TRAF2: variants seen among roughly 807,000 people sequenced by gnomAD.
The protein encoded by TRAF2 is TNF receptor-associated factor 2.
A neutral mutation model predicts 55.6 loss-of-function variants in TRAF2; 6 were observed. The ratio of observed to expected loss-of-function variants is 0.11; its 90% confidence interval spans 0.06 to 0.21. The LOEUF is 0.21. Among genes scored for constraint, TRAF2 ranks in the 10% least tolerant of loss-of-function variants. The pLI, the probability that TRAF2 is intolerant of heterozygous loss-of-function variation, is 1.00. For missense variants in TRAF2, 561 were observed against 684.5 expected (o/e 0.82, Z 2.01); for synonymous variants, 329 against 276.3 (o/e 1.19, Z -1.89).
At chr9:136,896,387 G>A (rs1194091363) in intron 1 of TRAF2, among the ~76,000 whole-genome samples, 4 of 152,224 alleles carry the variant, frequency 2.6e-5, no homozygotes, top group Admixed American at 6.5e-5. Context: ...CCCTGGTTCC[G>A]GGTGTGAGGC....
At chr9:136,894,279 T>A (rs1011435747) in intron 1 of TRAF2, among the ~76,000 whole-genome samples, 1 of 151,550 alleles carries the variant, frequency 6.6e-6, no homozygotes, top group African/African-American at 2.4e-5. Context: ...TCTCTTGACC[T>A]CGTGATCTGC....
rs746990202 is a variant in TRAF2 at position 136,920,506 on chromosome 9, G to T, written c.951G>T (p.Leu317=). The T allele has an allele frequency of 3.1e-6, 5 of 1,609,492 alleles. No homozygotes were observed. The highest frequency in any genetic ancestry group is 4.2e-6 in the Non-Finnish European group (5 of 1,177,140). ...TGGACCAAGACAAGATTGAAGCCCT[G>T]AGTAGCAAGGTTTGTGCCTGCCGGG... ...HRLDQDKIEA[L]SSKVQQLERS... The change falls in exon 8 of 11, where the codon CTG becomes CTT. Residue 317 remains leucine (L), a synonymous_variant. Transcript: ENST00000247668.
At chr9:136,920,993 C>T in intron 8 of TRAF2, 45 bp from the exon 9 acceptor site, 1 of 1,604,458 alleles carries the variant, frequency 6.2e-7, no homozygotes, top group East Asian at 2.2e-5. Context: ...GGGCTCGTGC[C>T]CGCACCCCTC....
intron 2 of TRAF2, 150 bp downstream of exon 2, chr9:136,899,078 C>G: frequency 1.3e-6 from 1 of 789,324 alleles, no homozygotes; most frequent in Non-Finnish European, 1.9e-6. Flanking sequence ...AGGTTTACCA[C>G]AAAGAATGTA....
chr9:136,923,705 A>AG (rs762967879), intron 9 of TRAF2, 147 bp from the exon 10 acceptor site: 156 of 429,738 alleles, frequency 3.6e-4, no homozygotes, highest in Middle Eastern at 2.2e-3. Flanking sequence ...GCATAGTTTG[A>AG]GGGAAAAAAA....
At chr9:136,900,139 A>C (rs1849781133) in intron 3 of TRAF2, among the ~76,000 whole-genome samples, 1 of 150,434 alleles carries the variant, frequency 6.6e-6, no homozygotes, top group East Asian at 1.9e-4. Context: ...ACTGCACTCC[A>C]ACCTGGGTTA....
At chr9:136,921,561 A>G (rs1431611079) in intron 9 of TRAF2, among the ~76,000 whole-genome samples, 2 of 142,744 alleles carry the variant, frequency 1.4e-5, no homozygotes, top group Admixed American at 1.4e-4. Context: ...CACAGCTCCC[A>G]GGAAGACAGG....
intron 1 of TRAF2, among the ~76,000 whole-genome samples, chr9:136,897,259 G>T (rs1849700666): frequency 6.6e-6 from 1 of 152,064 alleles, no homozygotes; most frequent in South Asian, 2.1e-4. Context: ...GGAAGAGTGG[G>T]CATGGCACTG....
chr9:136,887,846 A>T (rs1332748833), intron 1 of TRAF2, among the ~76,000 whole-genome samples: 1 of 152,116 alleles, frequency 6.6e-6, no homozygotes, highest in South Asian at 2.1e-4. Context: ...CCTGAAAAAG[A>T]TGGGGTTACA....
intron 4 of TRAF2, among the ~76,000 whole-genome samples, chr9:136,907,707 C>T (rs17243991): frequency 2.6e-5 from 4 of 152,116 alleles, no homozygotes; most frequent in Admixed American, 6.5e-5. Context: ...CCTGCTTTCT[C>T]GGTTAGGAGC....
chr9:136,902,297 G>A (rs966943755), intron 4 of TRAF2: 15 of 152,578 alleles, frequency 9.8e-5, no homozygotes, highest in Admixed American at 2.6e-4. Context: ...CCAGGGTCAG[G>A]GTCTCCCTGG....
At chr9:136,885,279 TGGA>T (rs1284308641), upstream of TRAF2, among the ~76,000 whole-genome samples, 8 of 152,206 alleles carry the variant, frequency 5.3e-5, no homozygotes, top group Non-Finnish European at 1.2e-4. Context: ...TCTGAATGCT[TGGA>T]GGAGACTTAC....
chr9:136,911,844 C>CTATTTTTT, intron 6 of TRAF2, among the ~76,000 whole-genome samples: 1 of 50,370 alleles, frequency 2.0e-5, no homozygotes, highest in South Asian at 8.9e-4. Context: ...TTTCTCTTAT[C>CTATTTTTT]TCTTTTTTTT....
intron 1 of TRAF2, among the ~76,000 whole-genome samples, chr9:136,890,781 T>G (rs1849565866): frequency 6.6e-6 from 1 of 152,248 alleles, no homozygotes; most frequent in Admixed American, 6.5e-5. Context: ...CCGGGCTGCC[T>G]GCCGTGTCCT....
Position 136,907,220 on chromosome 9 carries a change from C to T in TRAF2, c.367-850C>T, listed in dbSNP as rs948339018. Among the ~76,000 whole-genome samples the T allele has an allele frequency of 7.2e-5, 11 of 152,372 alleles. No individual in the cohort carries two copies. The South Asian group carries it at 1.0e-3, about 14-fold the overall frequency. ...TCTGCCTCGCCTGACGCTTAGCCTG[C>T]GGCACCGGCTCCCGCTTCCCTAGTC... On this transcript the variant is annotated intron_variant, in intron 4 of 10. Transcript: ENST00000247668.
chr9:136,910,885 G>C (rs893278481), intron 6 of TRAF2, among the ~76,000 whole-genome samples: 1 of 152,230 alleles, frequency 6.6e-6, no homozygotes, highest in African/African-American at 2.4e-5. Context: ...GAGCTTGGCC[G>C]AGTGCTGTCT....
rs1462049902 is a variant in TRAF2, at chr9:136,900,492, C to T, written c.338C>T (p.Thr113Ile). 2.5e-6 allele frequency: 4 copies of T among 1,613,950 alleles called. No individual in the cohort carries two copies. The highest frequency in any genetic ancestry group is 2.2e-5 in the East Asian group (1 of 44,886). ...GCCGTCTGTCCCAGTGATGGATGCA[C>T]CTGGAAGGGGACCCTGAAAGAATAC... ...LPAVCPSDGCTWKGTLKEYES... is the reference protein window; with the variant it reads ...LPAVCPSDGCIWKGTLKEYES... Residue 113 changes from threonine (T) to isoleucine (I), a missense_variant, in exon 4 of 11, where the codon ACC becomes ATC. Transcript: ENST00000247668.
intron 8 of TRAF2, 22 bp from the exon 9 acceptor site, chr9:136,921,016 A>G (rs780931530): frequency 2.5e-6 from 4 of 1,612,684 alleles, no homozygotes; most frequent in Non-Finnish European, 3.4e-6. Context: ...GTAAGAGGGA[A>G]GGTGGTCTTG....
At chr9:136,895,922 T>C (rs1237806554) in intron 1 of TRAF2, among the ~76,000 whole-genome samples, 1 of 150,862 alleles carries the variant, frequency 6.6e-6, no homozygotes, top group African/African-American at 2.4e-5. Flanking sequence ...CACCCCAGGT[T>C]GCCCTCTTGG....
Sources: allele counts gnomAD v4.1 joint callset (sites outside exome capture counted in the v4.1 genomes callset), GRCh38; gene constraint gnomAD v4.1.1; transcripts MANE v1.5; gene names NCBI Gene and HGNC (gene_info 2026-07-23, HGNC 2026-07-21).